Variants in ASAP1 observed in about 807,000 individuals in gnomAD.
The protein encoded by ASAP1 is ArfGAP with SH3 domain, ankyrin repeat and PH domain 1.
ASAP1 carries 43 observed loss-of-function variants against 145.2 expected under a neutral mutation model. The observed-to-expected ratio is 0.30, with a 90% CI of 0.23 to 0.38. The LOEUF (loss-of-function observed/expected upper bound fraction) is 0.38. Ranked by LOEUF, ASAP1 falls within the 10% of genes least tolerant of loss-of-function variation. The probability of loss-of-function intolerance (pLI) is 1.00; values close to 1 mark genes in which losing one functional copy is unlikely to be tolerated. For missense variants in ASAP1, 1,018 were observed against 1,355.3 expected (o/e 0.75, Z 3.91); for synonymous variants, 546 against 515.5 (o/e 1.06, Z -0.80).
At chr8:130,141,414 C>T (rs1405321562) in intron 13 of ASAP1, among the ~76,000 whole-genome samples, 4 of 152,294 alleles carry the variant, frequency 2.6e-5, no homozygotes, top group East Asian at 3.9e-4. Context: ...CCCTGCAGAA[C>T]TCTCATCAAT....
chr8:130,057,856 AG>A (rs772147819), intron 29 of ASAP1, 97 bp downstream of exon 29: 15 of 1,476,280 alleles, frequency 1.0e-5, no homozygotes, highest in Non-Finnish European at 1.4e-5. Flanking sequence ...TGTGCTCAAG[AG>A]CCCTCTTTTA....
intron 3 of ASAP1, among the ~76,000 whole-genome samples, chr8:130,328,323 T>C (rs1002784174): frequency 6.6e-6 from 1 of 152,170 alleles, no homozygotes; most frequent in African/African-American, 2.4e-5. Flanking sequence ...TGACAAATAA[T>C]ACAGTAGTCA....
intron 2 of ASAP1, among the ~76,000 whole-genome samples, chr8:130,398,998 C>T (rs1425054774): frequency 6.6e-6 from 1 of 152,206 alleles, no homozygotes; most frequent in Non-Finnish European, 1.5e-5. Context: ...ACTTCCCAGC[C>T]TTCTTTGCCG....
intron 5 of ASAP1, among the ~76,000 whole-genome samples, chr8:130,206,606 ATG>A (rs1816240114): frequency 6.6e-6 from 1 of 152,220 alleles, no homozygotes; most frequent in Non-Finnish European, 1.5e-5. Context: ...TCAAGCTCTT[ATG>A]CAAGCTATAG....
At chr8:130,367,906 T>G (rs1827032955) in intron 2 of ASAP1, among the ~76,000 whole-genome samples, 1 of 152,208 alleles carries the variant, frequency 6.6e-6, no homozygotes, top group African/African-American at 2.4e-5. Context: ...ATAACAGGAT[T>G]TTTCCATAAC....
intron 1 of ASAP1, among the ~76,000 whole-genome samples, chr8:130,428,424 T>TCATCATCACCACCAC: frequency 8.4e-6 from 1 of 118,700 alleles, no homozygotes; most frequent in Non-Finnish European, 1.8e-5. Flanking sequence ...ACCATCACCA[T>TCATCATCACCACCAC]CATCATCATC....
intron 24 of ASAP1, among the ~76,000 whole-genome samples, chr8:130,099,274 G>A (rs2097524488): frequency 6.6e-6 from 1 of 151,562 alleles, no homozygotes; most frequent in African/African-American, 2.4e-5. Context: ...CACCTCCCAG[G>A]TTCACGCCAT....
chr8:130,055,690 A>T (rs1215731401), intron 29 of ASAP1, among the ~76,000 whole-genome samples: 4 of 152,224 alleles, frequency 2.6e-5, no homozygotes, highest in Non-Finnish European at 4.4e-5. Context: ...AAATTTTCTA[A>T]TTACCTCAAT....
At chr8:130,131,308 T>C (rs2097582597) in intron 15 of ASAP1, among the ~76,000 whole-genome samples, 1 of 152,128 alleles carries the variant, frequency 6.6e-6, no homozygotes, top group Non-Finnish European at 1.5e-5. Context: ...ATCGAACACT[T>C]TCATATGAAA....
At chr8:130,357,673 G>A (rs952617723) in intron 3 of ASAP1, among the ~76,000 whole-genome samples, 1 of 152,324 alleles carries the variant, frequency 6.6e-6, no homozygotes, top group East Asian at 1.9e-4. Context: ...GTGGCCTGAC[G>A]CCACCTACCT....
intron 17 of ASAP1, among the ~76,000 whole-genome samples, chr8:130,124,910 A>G (rs2097572523): frequency 2.0e-5 from 3 of 152,170 alleles, no homozygotes; most frequent in Non-Finnish European, 4.4e-5. Flanking sequence ...TTTCTCTACA[A>G]TCCTGAAGTG....
In ASAP1 at chr8:130,318,157, T is replaced by C. The variant is rs535201406; in HGVS notation, c.186+39860A>G. ...AACATAGTGATGCAGTCACAGCTCA[T>C]TGTAGCCTTGACCGCCCAGGCTCAA... is the stretch of plus-strand genomic sequence containing the variant. On this transcript the variant is annotated intron_variant, in intron 3 of 29. Transcript: ENST00000518721. Among the ~76,000 whole-genome samples the C allele has an allele frequency of 2.5e-3, 383 of 152,310 alleles. 1 individual carries two copies. Among genetic ancestry groups the C allele is most frequent in the Non-Finnish European group, 2.3e-3 (154 of 68,010 alleles).
In ASAP1 at chr8:130,373,109, TATACACACAC is replaced by T. The variant is rs1297636974; in HGVS notation, c.60-14976_60-14967del. Among the ~76,000 whole-genome samples, 739 of 127,676 alleles carry T rather than the reference TATACACACAC, an allele frequency of 5.8e-3. 24 individuals are homozygous for T. The highest frequency in any genetic ancestry group is 0.02 in the African/African-American group (667 of 33,230). The allele number at this position is 127,676 out of a possible 152,430, so 83.8% of individuals were successfully genotyped here. On this transcript the variant is annotated intron_variant, in intron 2 of 29. Coordinates refer to ENST00000518721, the MANE Select transcript of ASAP1 (RefSeq NM_018482.4). Reference sequence around the variant, plus strand: ...ACCCCCCCACACACACAGAAATACATATACACACACACACACACACACACACACACACACA... The same window carrying T: ...ACCCCCCCACACACACAGAAATACATACACACACACACACACACACACACA...
chr8:130,094,877 G>A (rs773323645), intron 24 of ASAP1, among the ~76,000 whole-genome samples: 1 of 152,168 alleles, frequency 6.6e-6, no homozygotes, highest in Admixed American at 6.5e-5. Context: ...CATCTTTATC[G>A]CCATCTAGGG....
intron 5 of ASAP1, among the ~76,000 whole-genome samples, chr8:130,189,345 C>T (rs1175215294): frequency 6.6e-6 from 1 of 152,026 alleles, no homozygotes; most frequent in Non-Finnish European, 1.5e-5. Context: ...CTCTGGTAAC[C>T]ATCATTCTAT....
chr8:130,263,948 ATTC>A (rs149996383), intron 3 of ASAP1, among the ~76,000 whole-genome samples: 2,497 of 152,288 alleles, frequency 0.016, 67 homozygotes, highest in African/African-American at 0.055. Flanking sequence ...ACTCACACAC[ATTC>A]TTCTTGCCAC....
At chr8:130,321,496 G>A (rs1384026096) in intron 3 of ASAP1, among the ~76,000 whole-genome samples, 10 of 152,108 alleles carry the variant, frequency 6.6e-5, no homozygotes, top group Non-Finnish European at 5.9e-5. Flanking sequence ...CAAAAAAGGA[G>A]AGAGATGTAC....
At position 130,052,220 on chromosome 8, in the gene ASAP1, T is replaced by C. The variant is rs560474729; in HGVS notation, c.*2511A>G. 6.6e-6 allele frequency: 1 copy of C among 152,654 alleles called. No homozygotes were observed. The highest frequency in any genetic ancestry group is 1.5e-5 in the Non-Finnish European group (1 of 68,040). The allele number at this position is 152,654 out of a possible 1,614,324, so 9.5% of individuals were successfully genotyped here. A position where few individuals can be genotyped will look rare whatever the true frequency, so the allele number is the denominator to read the frequency against. ...CATTAAACACATGTGAAATGACAAGTGTACTGATGTTTGATGGTAACATCC... is the reference window on the plus strand; with the variant it reads ...CATTAAACACATGTGAAATGACAAGCGTACTGATGTTTGATGGTAACATCC... On this transcript the variant is annotated 3_prime_UTR_variant, in exon 30 of 30. Coordinates refer to ENST00000518721, the MANE Select transcript of ASAP1 (RefSeq NM_018482.4).
intron 1 of ASAP1, among the ~76,000 whole-genome samples, chr8:130,443,029 C>T (rs1055917451): frequency 6.6e-6 from 1 of 152,100 alleles, no homozygotes; most frequent in Non-Finnish European, 1.5e-5. Flanking sequence ...GGGCCGGGGG[C>T]CGCGGGGAAC....
Sources: gnomAD v4.1 joint callset for allele counts (sites outside exome capture counted in the v4.1 genomes callset) on GRCh38, gnomAD v4.1.1 for gene constraint, MANE v1.5 for transcripts, NCBI Gene and HGNC (gene_info 2026-07-23, HGNC 2026-07-21) for gene names.